GRAMD1C: variants seen among roughly 807,000 people sequenced by gnomAD.
The protein encoded by GRAMD1C is protein Aster-C.
GRAMD1C carries 89 observed loss-of-function variants against 97.8 expected under a neutral mutation model. That is an observed-to-expected ratio of 0.91 (90% confidence interval 0.77 to 1.09). The LOEUF is 1.09. Among genes scored for constraint, GRAMD1C ranks in the 50% least tolerant of loss-of-function variants. The probability of loss-of-function intolerance (pLI) is 0.00; values close to 1 mark genes in which losing one functional copy is unlikely to be tolerated. For missense variants in GRAMD1C, 740 were observed against 766.4 expected (o/e 0.97, Z 0.41); for synonymous variants, 256 against 267.0 (o/e 0.96, Z 0.40).
At chr3:113,852,961 G>A (rs934975316) in intron 2 of GRAMD1C, among the ~76,000 whole-genome samples, 4 of 152,094 alleles carry the variant, frequency 2.6e-5, no homozygotes, top group Admixed American at 2.6e-4. Flanking sequence ...AAGTTTTGGG[G>A]CTTGGATTTA....
In GRAMD1C at chr3:113,938,066, C is replaced by A; in HGVS notation, c.1634-20C>A. 2 of 1,365,698 alleles carry A rather than the reference C, an allele frequency of 1.5e-6. No homozygotes were observed. Among genetic ancestry groups the A allele is most frequent in the Non-Finnish European group, 1.0e-6 (1 of 984,396 alleles). 84.6% of individuals were successfully genotyped at this position (1,365,698 alleles called of 1,614,324 possible). Reference sequence around the variant, plus strand: ...ATCACAATTCTCATTCTAATGCAGCCTTTTTCTTGTGATCTACAGGAAAGA... The same window carrying A: ...ATCACAATTCTCATTCTAATGCAGCATTTTTCTTGTGATCTACAGGAAAGA... On this transcript the variant is annotated intron_variant, in intron 14 of 17. Transcript: ENST00000358160.
chr3:113,828,662 A>G (rs1188642674), intron 1 of GRAMD1C, among the ~76,000 whole-genome samples: 1 of 152,106 alleles, frequency 6.6e-6, no homozygotes, highest in Non-Finnish European at 1.5e-5. Context: ...CTCACAATCC[A>G]TGTTCCCTTT....
At chr3:113,939,833 C>A (rs1387518741) in intron 15 of GRAMD1C, 53 bp from the exon 16 acceptor site, 4 of 899,200 alleles carry the variant, frequency 4.4e-6, no homozygotes, top group African/African-American at 3.3e-5. Context: ...TCTGCATTAG[C>A]AATGCTTTAG....
chr3:113,945,378 A>C lies in GRAMD1C; in HGVS notation c.1909-20A>C. 6.7e-7 allele frequency: 1 copy of C among 1,484,636 alleles called. No homozygotes were observed. Among genetic ancestry groups the C allele is most frequent in the Admixed American group, 1.9e-5 (1 of 52,500 alleles). The allele number at this position is 1,484,636 out of a possible 1,614,324, so 92.0% of individuals were successfully genotyped here. On this transcript the variant is annotated intron_variant, in intron 17 of 17. Transcript: ENST00000358160. ...GATTAGAAAAATTAATCTGATTTTG[A>C]AAATTAACTTTGTTTACAGCTGAAG...
At chr3:113,851,582 G>A (rs558430277) in intron 2 of GRAMD1C, among the ~76,000 whole-genome samples, 2 of 146,626 alleles carry the variant, frequency 1.4e-5, no homozygotes, top group Non-Finnish European at 3.0e-5. Flanking sequence ...GCAGTGCTGT[G>A]ATCTCGGTTC....
At chr3:113,875,392 G>A (rs544195694) in intron 3 of GRAMD1C, 92 bp from the exon 4 acceptor site, 3 of 673,652 alleles carry the variant, frequency 4.5e-6, no homozygotes, top group African/African-American at 3.5e-5. Context: ...TGAACAAAAA[G>A]TGATGACTTT....
At chr3:113,935,075 C>T (rs1698214743) in intron 13 of GRAMD1C, among the ~76,000 whole-genome samples, 1 of 152,062 alleles carries the variant, frequency 6.6e-6, no homozygotes, top group Admixed American at 6.6e-5. Context: ...TTATTATATC[C>T]CAGACATACA....
At chr3:113,847,860 G>A (rs1933682827) in intron 2 of GRAMD1C, among the ~76,000 whole-genome samples, 1 of 152,152 alleles carries the variant, frequency 6.6e-6, no homozygotes, top group Non-Finnish European at 1.5e-5. Flanking sequence ...AGGAAGACAA[G>A]TAGCATAACA....
intron 13 of GRAMD1C, among the ~76,000 whole-genome samples, 198 bp from the exon 14 acceptor site, chr3:113,936,068 C>G (rs1418210119): frequency 6.6e-6 from 1 of 152,128 alleles, no homozygotes; most frequent in Non-Finnish European, 1.5e-5. Context: ...AATACACATT[C>G]TTCCTGGAAT....
At chr3:113,838,536 A>C (rs1289438798), upstream of GRAMD1C, 1 of 195,226 alleles carries the variant, frequency 5.1e-6, no homozygotes, top group Non-Finnish European at 1.0e-5. Flanking sequence ...GGGCCTTGGC[A>C]CTCCATCCAG....
At chr3:113,848,875 C>T (rs918995223) in intron 2 of GRAMD1C, among the ~76,000 whole-genome samples, 1 of 151,694 alleles carries the variant, frequency 6.6e-6, no homozygotes, top group Non-Finnish European at 1.5e-5. Flanking sequence ...CCTTTTAAAC[C>T]CTAATTAAAC....
chr3:113,932,944 G>A (rs990570161), intron 11 of GRAMD1C, among the ~76,000 whole-genome samples: 1 of 151,440 alleles, frequency 6.6e-6, no homozygotes, highest in Non-Finnish European at 1.5e-5. Flanking sequence ...GCGCAGTGAG[G>A]CGATCTTGCT....
intron 6 of GRAMD1C, among the ~76,000 whole-genome samples, chr3:113,888,574 CG>C (rs926956206): frequency 3.9e-5 from 6 of 152,178 alleles, no homozygotes; most frequent in African/African-American, 1.4e-4. Flanking sequence ...CTGATTGTGG[CG>C]ACCACAATGT....
At chr3:113,933,088 T>A (rs1281615210) in intron 11 of GRAMD1C, among the ~76,000 whole-genome samples, 1 of 152,128 alleles carries the variant, frequency 6.6e-6, no homozygotes, top group Non-Finnish European at 1.5e-5. Context: ...TTTTGCCATG[T>A]TGGCCAGGCT....
At chr3:113,902,788 G>C (rs558357122) in intron 7 of GRAMD1C, among the ~76,000 whole-genome samples, 1 of 149,546 alleles carries the variant, frequency 6.7e-6, no homozygotes, top group Admixed American at 6.7e-5. Flanking sequence ...CTGGGATTGC[G>C]GTGCCCACCA....
At position 113,909,122 on chromosome 3, in the gene GRAMD1C, TA is replaced by T; in HGVS notation, c.952+5del. 7.0e-7 allele frequency: 1 copy of T among 1,425,900 alleles called. No individual in the cohort carries two copies. The highest frequency in any genetic ancestry group is 9.5e-7 in the Non-Finnish European group (1 of 1,056,962). 88.3% of individuals were successfully genotyped at this position (1,425,900 alleles called of 1,614,324 possible). A position where few individuals can be genotyped will look rare whatever the true frequency, so the allele number is the denominator to read the frequency against. On this transcript the variant is annotated splice_donor_region_variant and intron_variant, in intron 9 of 17. Transcript: ENST00000358160. ...GCACTTCAGATTCTGTTGATGAAGG[TA>T]AATAATTTCTTATAAATTTTATTAA...
intron 1 of GRAMD1C, among the ~76,000 whole-genome samples, chr3:113,831,238 T>C (rs1007884510): frequency 1.3e-5 from 2 of 152,172 alleles, no homozygotes; most frequent in Admixed American, 6.5e-5. Context: ...AAATCGCACA[T>C]TGTATTTAGT....
chr3:113,938,587 C>T (rs1378836638), intron 15 of GRAMD1C: 2 of 152,904 alleles, frequency 1.3e-5, no homozygotes, highest in African/African-American at 2.4e-5. Flanking sequence ...TGACCCCTGT[C>T]TCAGAGATTG....
intron 6 of GRAMD1C, among the ~76,000 whole-genome samples, chr3:113,888,411 A>G (rs150741601): frequency 3.9e-5 from 6 of 152,316 alleles, no homozygotes; most frequent in African/African-American, 1.4e-4. Context: ...TGGAGATCAA[A>G]TGTGCACCAT....
Sources: allele counts gnomAD v4.1 joint callset (sites outside exome capture counted in the v4.1 genomes callset), GRCh38; gene constraint gnomAD v4.1.1; transcripts MANE v1.5; gene names NCBI Gene and HGNC (gene_info 2026-07-23, HGNC 2026-07-21).